SLC45A4: variants seen among roughly 807,000 people sequenced by gnomAD.
The protein encoded by SLC45A4 is polyamine-transporter SLC45A4.
SLC45A4 carries 32 observed loss-of-function variants against 63.7 expected under a neutral mutation model. The ratio of observed to expected loss-of-function variants is 0.50; its 90% CI spans 0.38 to 0.67. The LOEUF is 0.67. Among genes scored for constraint, SLC45A4 ranks in the 30% least tolerant of loss-of-function variants. The pLI is 0.00. For synonymous variants in SLC45A4, 535 were observed against 510.0 expected, an observed-to-expected ratio of 1.05 and a Z score of -0.66; for missense variants, 1,027 against 1,157.7, an observed-to-expected ratio of 0.89 and a Z score of 1.64.
chr8:141,231,169 A>T (rs1457846997), intron 2 of SLC45A4, among the ~76,000 whole-genome samples: 1 of 152,098 alleles, frequency 6.6e-6, no homozygotes, highest in Non-Finnish European at 1.5e-5. Context: ...AGGTCCCAGG[A>T]TGGGTGCGGA....
intron 1 of SLC45A4, among the ~76,000 whole-genome samples, chr8:141,260,905 T>G (rs1189064363): frequency 3.9e-5 from 6 of 152,206 alleles, no homozygotes; most frequent in Admixed American, 6.5e-5. Flanking sequence ...TACCAAAGCC[T>G]GGCAGAGACA....
intron 1 of SLC45A4, among the ~76,000 whole-genome samples, chr8:141,255,577 A>G (rs556767330): frequency 1.3e-5 from 2 of 152,244 alleles, no homozygotes; most frequent in East Asian, 3.9e-4. Flanking sequence ...TTAGCCAGGC[A>G]TGGTGGCGGG....
chr8:141,220,083 G>T (rs560528143), intron 3 of SLC45A4, among the ~76,000 whole-genome samples: 1 of 152,218 alleles, frequency 6.6e-6, no homozygotes, highest in Non-Finnish European at 1.5e-5. Flanking sequence ...AAGGGTTTAC[G>T]CGCCCTTGAT....
intron 2 of SLC45A4, among the ~76,000 whole-genome samples, chr8:141,241,660 T>C (rs1229662404): frequency 1.3e-5 from 2 of 151,998 alleles, no homozygotes; most frequent in South Asian, 2.1e-4. Context: ...GCTCAGGGGA[T>C]GGTGCTGACA....
chr8:141,218,742 C>T lies in SLC45A4; in HGVS notation c.898G>A (p.Val300Met), dbSNP rs559626893. 30 of 1,612,890 alleles carry T rather than the reference C, an allele frequency of 1.9e-5. No homozygotes were observed. In the East Asian group the frequency reaches 2.2e-4, roughly 12 times the overall value. Residue 300 changes from valine to methionine, a missense_variant, in exon 5 of 9, where the codon GTG becomes ATG. Transcript: ENST00000517878. ...TCGCTTTTGCTGCGCATGATGTCCA[C>T]GTCCGGGTAGTCCAGGGCCAGCTCG... ...EHELALDYPD[V>M]DIMRSKSDSA...
intron 2 of SLC45A4, chr8:141,253,350 TTTTCATGCCCACCTGTGCGTGC>T (rs1458437147): frequency 1.0e-5 from 2 of 197,190 alleles, no homozygotes; most frequent in East Asian, 1.9e-4. Context: ...ATTTTCCGTG[TTTTCATGCCCACCTGTGCGTGC>T]CTGTGAATTT....
intron 2 of SLC45A4, among the ~76,000 whole-genome samples, chr8:141,243,300 G>A (rs1421998160): frequency 6.6e-6 from 1 of 152,136 alleles, no homozygotes; most frequent in Non-Finnish European, 1.5e-5. Context: ...GAGCAGCTCC[G>A]CCAGGTGCCC....
chr8:141,233,711 A>G (rs1240131907), intron 2 of SLC45A4, among the ~76,000 whole-genome samples: 1 of 133,724 alleles, frequency 7.5e-6, no homozygotes, highest in Non-Finnish European at 1.6e-5. Context: ...TAATAAAATG[A>G]AATAAAAAAC....
intron 1 of SLC45A4, among the ~76,000 whole-genome samples, chr8:141,274,598 C>T (rs1589840909): frequency 6.6e-6 from 1 of 151,576 alleles, no homozygotes; most frequent in East Asian, 1.9e-4. Flanking sequence ...ATGGCCTTGG[C>T]CTGGGGCTAG....
chr8:141,270,066 C>T (rs778527832), intron 1 of SLC45A4, among the ~76,000 whole-genome samples: 62 of 152,142 alleles, frequency 4.1e-4, no homozygotes, highest in Non-Finnish European at 7.6e-4. Flanking sequence ...CCTTCTCACA[C>T]CTGCTTGCAG....
intron 2 of SLC45A4, chr8:141,228,593 G>C (rs193014579): frequency 8.7e-7 from 1 of 1,153,386 alleles, no homozygotes; most frequent in South Asian, 2.6e-5. Flanking sequence ...ACCCATTCTC[G>C]GCTCTTTAAA....
At position 141,221,764 on chromosome 8, in the gene SLC45A4, G is replaced by T; in HGVS notation, c.243C>A (p.Gly81=). ...TGAGGCTGTAGTACTGCTCCGGAAGGCCTGCAAGGGACACGAGGGCCGTCG... is the reference window on the plus strand; with the variant it reads ...TGAGGCTGTAGTACTGCTCCGGAAGTCCTGCAAGGGACACGAGGGCCGTCG... The part of the protein sequence containing the change: ...ALVTPILLQI[G]LPEQYYSLTW... Residue 81 remains glycine, a splice_region_variant and synonymous_variant, in exon 3 of 9, where the codon GGC becomes GGA. Coordinates refer to ENST00000517878, the MANE Select transcript of SLC45A4 (RefSeq NM_001286646.2). The T allele has an allele frequency of 6.2e-7, 1 of 1,611,880 alleles. No homozygotes were observed. The highest frequency in any genetic ancestry group is 8.5e-7 in the Non-Finnish European group (1 of 1,178,856).
chr8:141,280,649 C>T (rs553348723), intron 1 of SLC45A4, among the ~76,000 whole-genome samples: 1 of 152,282 alleles, frequency 6.6e-6, no homozygotes, highest in African/African-American at 2.4e-5. Context: ...CTAGGCTGGC[C>T]CACCCTCTGC....
intron 2 of SLC45A4, 137 bp from the exon 3 acceptor site, chr8:141,221,902 C>T: frequency 1.1e-6 from 1 of 886,382 alleles, no homozygotes. Context: ...GTTGTCTCCA[C>T]GGGGTAGACT....
chr8:141,235,431 G>A (rs1053405589), intron 2 of SLC45A4, among the ~76,000 whole-genome samples: 11 of 152,196 alleles, frequency 7.2e-5, no homozygotes, highest in Non-Finnish European at 1.5e-4. Flanking sequence ...CAAGGGTCAC[G>A]GTGACGAGGA....
chr8:141,220,874 C>A (rs1826577890), intron 3 of SLC45A4, among the ~76,000 whole-genome samples: 1 of 152,226 alleles, frequency 6.6e-6, no homozygotes, highest in Non-Finnish European at 1.5e-5. Flanking sequence ...AGGGGGCCGG[C>A]AGCTCCGCGC....
At chr8:141,234,321 G>C (rs1827510627) in intron 2 of SLC45A4, among the ~76,000 whole-genome samples, 2 of 152,220 alleles carry the variant, frequency 1.3e-5, no homozygotes, top group Admixed American at 6.5e-5. Flanking sequence ...CTGGTTTCTA[G>C]AGACAGAGGC....
chr8:141,300,880 C>G (rs774516282), intron 1 of SLC45A4, among the ~76,000 whole-genome samples: 2 of 152,238 alleles, frequency 1.3e-5, no homozygotes, highest in Non-Finnish European at 2.9e-5. Context: ...AATAGTAAAG[C>G]TTAACATGGA....
At chr8:141,237,742 T>C (rs1190830469) in intron 2 of SLC45A4, among the ~76,000 whole-genome samples, 2 of 152,080 alleles carry the variant, frequency 1.3e-5, no homozygotes, top group East Asian at 1.9e-4. Flanking sequence ...CTCAGCACGC[T>C]TCTCACCTCA....
Sources: allele counts gnomAD v4.1 joint callset (sites outside exome capture counted in the v4.1 genomes callset), GRCh38; gene constraint gnomAD v4.1.1; transcripts MANE v1.5; gene names NCBI Gene and HGNC (gene_info 2026-07-23, HGNC 2026-07-21).